SHROOM3: variants seen among roughly 807,000 people sequenced by gnomAD.
The protein encoded by SHROOM3 is shroom family member 3.
In SHROOM3, 47 loss-of-function variants were observed where a neutral mutation model predicts 138.6. The observed-to-expected ratio is 0.34, with a 90% confidence interval of 0.27 to 0.43. The LOEUF is 0.43. Ranked by LOEUF, SHROOM3 falls within the 20% of genes least tolerant of loss-of-function variation. SHROOM3 has a pLI of 1.00. For synonymous variants in SHROOM3, 1,062 were observed against 1,063.3 expected (o/e 1.00, Z 0.02); for missense variants, 2,491 against 2,596.5 (o/e 0.96, Z 0.88).
At chr4:76,575,992 G>T (rs574202497) in intron 2 of SHROOM3, among the ~76,000 whole-genome samples, 21 of 152,226 alleles carry the variant, frequency 1.4e-4, no homozygotes, top group East Asian at 1.4e-3. Context: ...CAAAAGACAG[G>T]CAGTAACAAA....
chr4:76,454,007 G>C (rs566148854), intron 1 of SHROOM3, among the ~76,000 whole-genome samples: 4 of 152,200 alleles, frequency 2.6e-5, no homozygotes, highest in African/African-American at 9.6e-5. Context: ...TTTTAGCTTT[G>C]ACATTTAGGA....
intron 1 of SHROOM3, among the ~76,000 whole-genome samples, chr4:76,543,505 G>A (rs995075805): frequency 6.6e-6 from 1 of 150,554 alleles, no homozygotes; most frequent in Non-Finnish European, 1.5e-5. Context: ...GAAGATACCA[G>A]GTTAGGCTAC....
intron 2 of SHROOM3, among the ~76,000 whole-genome samples, chr4:76,622,020 G>T (rs1027657266): frequency 6.6e-6 from 1 of 151,836 alleles, no homozygotes; most frequent in Admixed American, 6.6e-5. Context: ...TAGTAGAGTC[G>T]GGGTTTCACC....
chr4:76,644,961 A>G (rs1396659864), intron 2 of SHROOM3, among the ~76,000 whole-genome samples: 4 of 152,206 alleles, frequency 2.6e-5, no homozygotes, highest in African/African-American at 9.7e-5. Flanking sequence ...ATGAGCCAGC[A>G]ACTATTCCTA....
chr4:76,641,399 A>G (rs1735664151), intron 2 of SHROOM3, among the ~76,000 whole-genome samples: 1 of 151,862 alleles, frequency 6.6e-6, no homozygotes, highest in African/African-American at 2.4e-5. Context: ...AGAACCACCC[A>G]CCCACAGGAA....
chr4:76,608,732 ATAG>A (rs1213297666), intron 2 of SHROOM3, among the ~76,000 whole-genome samples: 47 of 63,554 alleles, frequency 7.4e-4, no homozygotes, highest in African/African-American at 2.1e-3. Flanking sequence ...ACAGCACAGC[ATAG>A]CATAGCATAG....
rs141192848 is a variant in SHROOM3, at chr4:76,630,615, AT to A, written c.323+74860del. ...TAGGAAGCTGGGACATGGGGAAATC[AT>A]TTTTTTTCCATTCAATCAGTCACAA... On this transcript the variant is annotated intron_variant, in intron 2 of 10. Transcript: ENST00000296043. Among the ~76,000 whole-genome samples the A allele has an allele frequency of 3.3e-3, 508 of 152,084 alleles. 1 individual carries two copies. Among genetic ancestry groups the A allele is most frequent in the Non-Finnish European group, 5.9e-3 (402 of 67,982 alleles).
At chr4:76,732,498 T>C (rs1720918505) in intron 4 of SHROOM3, among the ~76,000 whole-genome samples, 1 of 152,194 alleles carries the variant, frequency 6.6e-6, no homozygotes, top group Non-Finnish European at 1.5e-5. Context: ...AGAGATAATG[T>C]CCTGGTTCCT....
intron 2 of SHROOM3, chr4:76,586,237 C>A (rs925585593): frequency 8.1e-6 from 8 of 985,388 alleles, no homozygotes; most frequent in Non-Finnish European, 9.6e-6. Context: ...ATCAGGGCAG[C>A]CCAGGTTCCC....
intron 2 of SHROOM3, among the ~76,000 whole-genome samples, chr4:76,619,113 G>T (rs1413270832): frequency 6.6e-6 from 1 of 152,150 alleles, no homozygotes; most frequent in Non-Finnish European, 1.5e-5. Context: ...CTCTCAAAGT[G>T]CTGGGATTAC....
intron 1 of SHROOM3, among the ~76,000 whole-genome samples, chr4:76,477,302 A>G (rs1311358795): frequency 6.6e-6 from 1 of 152,182 alleles, no homozygotes; most frequent in African/African-American, 2.4e-5. Context: ...GAAATAAGAC[A>G]GAGAGACTGG....
intron 2 of SHROOM3, among the ~76,000 whole-genome samples, chr4:76,592,146 C>T (rs1319774244): frequency 6.6e-6 from 1 of 152,080 alleles, no homozygotes; most frequent in African/African-American, 2.4e-5. Context: ...TGAAGGTTAC[C>T]TAGGGAGCAT....
At chr4:76,674,009 A>G (rs763432206) in intron 2 of SHROOM3, among the ~76,000 whole-genome samples, 1 of 152,138 alleles carries the variant, frequency 6.6e-6, no homozygotes, top group Non-Finnish European at 1.5e-5. Context: ...AGTAGCTAGG[A>G]TTACAGGTAT....
intron 1 of SHROOM3, among the ~76,000 whole-genome samples, chr4:76,543,783 G>A (rs1019522542): frequency 2.0e-5 from 3 of 152,162 alleles, no homozygotes; most frequent in African/African-American, 7.2e-5. Flanking sequence ...AACTGCAAGT[G>A]GCCCAGCCTA....
chr4:76,557,262 C>CAT (rs1491225004), intron 2 of SHROOM3, among the ~76,000 whole-genome samples: 5 of 148,128 alleles, frequency 3.4e-5, no homozygotes, highest in African/African-American at 1.2e-4. Flanking sequence ...CACACACACA[C>CAT]GAGGAATATT....
At chr4:76,548,926 C>T (rs547240923) in intron 1 of SHROOM3, among the ~76,000 whole-genome samples, 12 of 152,170 alleles carry the variant, frequency 7.9e-5, no homozygotes, top group African/African-American at 2.2e-4. Flanking sequence ...TGTTGACAGT[C>T]GCATTCTTGG....
intron 3 of SHROOM3, among the ~76,000 whole-genome samples, chr4:76,718,073 T>C (rs1318465971): frequency 6.6e-6 from 1 of 152,206 alleles, no homozygotes; most frequent in Non-Finnish European, 1.5e-5. Flanking sequence ...TCTAGCTCTC[T>C]AGCTGATTTG....
At chr4:76,607,231 C>T (rs1236911966) in intron 2 of SHROOM3, among the ~76,000 whole-genome samples, 1 of 152,004 alleles carries the variant, frequency 6.6e-6, no homozygotes, top group South Asian at 2.1e-4. Context: ...TTTTGTGGTC[C>T]TTCTGGGTCT....
At chr4:76,441,063 A>C (rs1730658158) in intron 1 of SHROOM3, among the ~76,000 whole-genome samples, 1 of 144,344 alleles carries the variant, frequency 6.9e-6, no homozygotes. Context: ...CCAGTTCTTC[A>C]GCCACAGTCC....
Sources: gnomAD v4.1 joint callset for allele counts (sites outside exome capture counted in the v4.1 genomes callset) on GRCh38, gnomAD v4.1.1 for gene constraint, MANE v1.5 for transcripts, NCBI Gene and HGNC (gene_info 2026-07-23, HGNC 2026-07-21) for gene names.